The following LDB3 variants were observed in gnomAD, a reference collection of about 807,000 sequenced individuals.
The protein encoded by LDB3 is LIM domain-binding protein 3.
LDB3 carries 49 observed loss-of-function variants against 69.0 expected under a neutral mutation model. The ratio of observed to expected loss-of-function variants is 0.71; its 90% confidence interval spans 0.56 to 0.90. The LOEUF (loss-of-function observed/expected upper bound fraction) is 0.90, where lower values mean the gene tolerates loss of function less well. Ranked by LOEUF, LDB3 falls within the 40% of genes least tolerant of loss-of-function variation. LDB3 has a pLI of 0.00. For missense variants in LDB3, 928 were observed against 974.1 expected (o/e 0.95, Z 0.63); for synonymous variants, 387 against 396.2 (o/e 0.98, Z 0.28).
chr10:86,698,963 C>T (rs904064819), intron 7 of LDB3, among the ~76,000 whole-genome samples: 5 of 152,150 alleles, frequency 3.3e-5, no homozygotes, highest in African/African-American at 9.7e-5. Context: ...GCTCAGTCTG[C>T]CCTCAGGGCC....
intron 7 of LDB3, among the ~76,000 whole-genome samples, chr10:86,697,035 T>C (rs1846027905): frequency 6.6e-6 from 1 of 151,896 alleles, no homozygotes; most frequent in African/African-American, 2.4e-5. Context: ...ATTCAAGGGG[T>C]AGAGAGAGAC....
rs3740344 is a variant in LDB3 at position 86,679,674 on chromosome 10, A to C, written c.245+156A>C. Among the ~76,000 whole-genome samples the C allele has an allele frequency of 0.064, 9,709 of 152,276 alleles. 928 individuals carry two copies. Among genetic ancestry groups the C allele is most frequent in the African/African-American group, 0.21 (8,567 of 41,528 alleles). On this transcript the variant is annotated intron_variant, in intron 3 of 13. Coordinates refer to ENST00000361373, the MANE Select transcript of LDB3 (RefSeq NM_007078.3). ...GGACAGCCCTGGGCCAGAGGAATGAACAGGCCCAAGTCGCTGTCAAGCACC... is the reference window on the plus strand; with the variant it reads ...GGACAGCCCTGGGCCAGAGGAATGACCAGGCCCAAGTCGCTGTCAAGCACC...
intron 5 of LDB3, among the ~76,000 whole-genome samples, chr10:86,689,843 G>T (rs189760601): frequency 6.6e-6 from 1 of 152,316 alleles, no homozygotes; most frequent in African/African-American, 2.4e-5. Context: ...GTTTTCTGTG[G>T]CAAGAAGAAC....
rs553612121 is a variant in LDB3, at chr10:86,675,748, C to G, written c.94-3619C>G. 1.5e-4 allele frequency among the ~76,000 whole-genome samples: 23 copies of G among 152,302 alleles called. No homozygotes were observed. The South Asian group carries it at 1.9e-3, about 12-fold the overall frequency. On this transcript the variant is annotated intron_variant, in intron 2 of 13. Transcript: ENST00000361373. ...AGGGATGGAGTGTGATAAAGCAAAG[C>G]GAGTGAAATGTTATGGTACAGCCAT...
At chr10:86,672,209 C>A (rs141859507) in intron 2 of LDB3, among the ~76,000 whole-genome samples, 1 of 152,226 alleles carries the variant, frequency 6.6e-6, no homozygotes, top group African/African-American at 2.4e-5. Context: ...CTGTTGTCTA[C>A]TGGGACTGGT....
chr10:86,704,818 G>A (rs772162730), intron 7 of LDB3, among the ~76,000 whole-genome samples: 3 of 151,774 alleles, frequency 2.0e-5, no homozygotes, highest in Admixed American at 6.6e-5. Flanking sequence ...TCCTGACCTC[G>A]TGATCCGCCC....
At chr10:86,690,897 G>T (rs1845725928) in intron 5 of LDB3, among the ~76,000 whole-genome samples, 1 of 152,202 alleles carries the variant, frequency 6.6e-6, no homozygotes, top group African/African-American at 2.4e-5. Flanking sequence ...GGAGCTAGTT[G>T]GCTGGCCTCT....
At chr10:86,668,493 T>C (rs1481340851), upstream of LDB3, 1 of 662,828 alleles carries the variant, frequency 1.5e-6, no homozygotes, top group Non-Finnish European at 2.8e-6. Flanking sequence ...TCAGTGTCGA[T>C]GGCATTCGCT....
intron 2 of LDB3, among the ~76,000 whole-genome samples, chr10:86,678,339 C>A (rs1375383537): frequency 2.2e-5 from 3 of 133,612 alleles, no homozygotes; most frequent in Admixed American, 1.5e-4. Context: ...ACCTGGCCAC[C>A]CTTTTTTTTT....
At chr10:86,716,837 A>C in intron 10 of LDB3, 66 bp downstream of exon 10, 1 of 1,513,518 alleles carries the variant, frequency 6.6e-7, no homozygotes, top group East Asian at 2.4e-5. Flanking sequence ...GCTTGCCCAC[A>C]GTCTGAGCCC....
chr10:86,710,531 C>A (rs1343028711), intron 9 of LDB3, among the ~76,000 whole-genome samples: 1 of 152,184 alleles, frequency 6.6e-6, no homozygotes, highest in Non-Finnish European at 1.5e-5. Context: ...TGCAGTGAGC[C>A]GAGACTGCAC....
rs1354084230 is a variant in LDB3, at chr10:86,706,529, AGC to A, written c.897-1_897del. 1.8e-5 allele frequency: 29 copies of A among 1,612,062 alleles called. No homozygotes were observed. Among genetic ancestry groups the A allele is most frequent in the Non-Finnish European group, 2.5e-5 (29 of 1,179,946 alleles). On this transcript the variant is annotated splice_acceptor_variant and coding_sequence_variant, in exon 8 of 14. Coordinates refer to ENST00000361373, the MANE Select transcript of LDB3 (RefSeq NM_007078.3). LOFTEE classifies it high-confidence loss of function. ...GTTGTCTTTTTGGTCCCGCCTCATCAGCACCCCTATTGAGCATGCGCCGGTGT... is the reference window on the plus strand; with the variant it reads ...GTTGTCTTTTTGGTCCCGCCTCATCAACCCCTATTGAGCATGCGCCGGTGT...
At chr10:86,686,956 A>T in intron 5 of LDB3, 1 of 929,366 alleles carries the variant, frequency 1.1e-6, no homozygotes, top group African/African-American at 1.6e-5. Context: ...GCTCTGGGAG[A>T]TCTCTCTCGA....
At position 86,718,076 on chromosome 10, in the gene LDB3, T is replaced by C. The variant is rs727503131; in HGVS notation, c.1789T>C (p.Tyr597His). Residue 597 changes from tyrosine to histidine, a missense_variant, in exon 11 of 14, where the codon TAC becomes CAC. Physicochemically the swap from Tyr to His is moderately conservative, Grantham distance 83. Transcript: ENST00000361373. The stretch of plus-strand genomic sequence containing the variant: ...CTTTGTGGAAGAGCAGAACAACGTT[T>C]ACTGTGAGCGATGTTATGAGCAATT... ...VCFVEEQNNVYCERCYEQFFA... is the reference protein window; with the variant it reads ...VCFVEEQNNVHCERCYEQFFA... 9 of 1,614,172 alleles carry C rather than the reference T, an allele frequency of 5.6e-6. No homozygotes were observed. The highest frequency in any genetic ancestry group is 4.5e-5 in the East Asian group (2 of 44,886).
At position 86,686,806 on chromosome 10, in the gene LDB3, CA is replaced by C. The variant is rs3086887; in HGVS notation, c.689+5018del. Among the ~76,000 whole-genome samples, 5,351 of 133,048 alleles carry C rather than the reference CA, an allele frequency of 0.04. 287 individuals are homozygous for C. Among genetic ancestry groups the C allele is most frequent in the East Asian group, 0.17 (762 of 4,512 alleles). 87.3% of individuals were successfully genotyped at this position (133,048 alleles called of 152,430 possible). On this transcript the variant is annotated intron_variant, in intron 5 of 13. Transcript: ENST00000361373. ...TGGGCGACAAAGCGAGACCCTGTAT[CA>C]AAAAAAAAAAAAAAGAAAGAAAAAA...
In LDB3 at chr10:86,726,066, G is replaced by C. The variant is rs183268032; in HGVS notation, c.1979-71G>C. On this transcript the variant is annotated intron_variant, in intron 12 of 13. Transcript: ENST00000361373. ...CCCCCTGCTTCTGCCCACTGATTTG[G>C]GGTTTGTCTTGGCTTTGGGTCCCCG... The C allele has an allele frequency of 2.3e-4, 228 of 989,586 alleles. 1 individual carries two copies. In the East Asian group the frequency reaches 5.4e-3, roughly 23 times the overall value. The allele number at this position is 989,586 out of a possible 1,614,324, so 61.3% of individuals were successfully genotyped here. A position where few individuals can be genotyped will look rare whatever the true frequency, so the allele number is the denominator to read the frequency against.
At chr10:86,672,615 G>C (rs1026554218) in intron 2 of LDB3, among the ~76,000 whole-genome samples, 2 of 145,962 alleles carry the variant, frequency 1.4e-5, no homozygotes, top group East Asian at 4.2e-4. Context: ...GGGGCTGGCA[G>C]GGGCCTCCCT....
intron 7 of LDB3, among the ~76,000 whole-genome samples, chr10:86,702,869 G>A (rs994911625): frequency 6.6e-6 from 1 of 152,190 alleles, no homozygotes; most frequent in Non-Finnish European, 1.5e-5. Context: ...CAGTGTGCTA[G>A]AGAGGATGCT....
chr10:86,721,303 CT>C lies in LDB3; in HGVS notation c.1978+2457del, dbSNP rs1847078949. On this transcript the variant is annotated intron_variant, in intron 12 of 13. Coordinates refer to ENST00000361373, the MANE Select transcript of LDB3 (RefSeq NM_007078.3). The stretch of plus-strand genomic sequence containing the variant: ...ATGAGGTGAAACTTCATTTTTACGT[CT>C]CGTCATTTTAATCAACAATTTGGAA... Among the ~76,000 whole-genome samples, 3 of 152,310 alleles carry C rather than the reference CT, an allele frequency of 2.0e-5. No individual in the cohort carries two copies. In the South Asian group the frequency reaches 6.2e-4, roughly 32 times the overall value.
Sources: gnomAD v4.1 joint callset for allele counts (sites outside exome capture counted in the v4.1 genomes callset) on GRCh38, gnomAD v4.1.1 for gene constraint, MANE v1.5 for transcripts, NCBI Gene and HGNC (gene_info 2026-07-23, HGNC 2026-07-21) for gene names.